ZNF875: variants seen among roughly 807,000 people sequenced by gnomAD.
ZNF875 encodes the protein HKR1, GLI-Kruppel zinc finger family member.
A neutral mutation model predicts 11.2 loss-of-function variants in ZNF875; 14 were observed. That is an observed-to-expected ratio of 1.26 (90% CI 0.83 to 1.96). The LOEUF is 1.96. Among genes scored for constraint, ZNF875 ranks in the 30% most tolerant of loss-of-function variants. The probability of loss-of-function intolerance (pLI) is 0.00; values close to 1 mark genes in which losing one functional copy is unlikely to be tolerated. For synonymous variants in ZNF875, 301 were observed against 281.1 expected, an observed-to-expected ratio of 1.07 and a Z score of -0.71; for missense variants, 752 against 760.4, an observed-to-expected ratio of 0.99 and a Z score of 0.13.
Position 37,328,016 on chromosome 19 carries a change from C to T in ZNF875, c.-603+3751C>T, listed in dbSNP as rs759992259. 3.7e-4 allele frequency among the ~76,000 whole-genome samples: 56 copies of T among 152,122 alleles called. 1 individual carries two copies. The highest frequency in any genetic ancestry group is 5.9e-4 in the Admixed American group (9 of 15,274). ...CAGCACTTTGGGAGGCCAAGGCGGG[C>T]GGATCACCTGAGGTCAGGAGTTCAA... On this transcript the variant is annotated intron_variant, in intron 4 of 5. Coordinates refer to the ZNF875 transcript ENST00000544914.
chr19:37,346,355 T>G (rs2036764142), intron 2 of ZNF875: 2 of 152,192 alleles, frequency 1.3e-5, no homozygotes, highest in Non-Finnish European at 2.9e-5. Context: ...TGGACAGAGA[T>G]GGGTTCCAAA....
intron 2 of ZNF875, among the ~76,000 whole-genome samples, chr19:37,335,506 A>G (rs1232874973): frequency 6.6e-6 from 1 of 152,234 alleles, no homozygotes; most frequent in Non-Finnish European, 1.5e-5. Flanking sequence ...AAGAAACAAA[A>G]AAGTATATTT....
intron 4 of ZNF875, among the ~76,000 whole-genome samples, chr19:37,350,991 A>G (rs2037795281): frequency 6.6e-6 from 1 of 151,370 alleles, no homozygotes; most frequent in Admixed American, 6.6e-5. Context: ...TTTAGTAGAG[A>G]CGGGGTTTCA....
Position 37,363,645 on chromosome 19 carries a change from G to T in ZNF875, c.1793G>T (p.Ser598Ile). The change falls in exon 5 of 5, where the codon AGC (serine) becomes ATC (isoleucine). Residue 598 changes from serine (S) to isoleucine (I), a missense_variant. Ser to Ile is a moderately radical substitution (Grantham distance 142, BLOSUM62 -2). Coordinates refer to ENST00000392153, the MANE Select transcript of ZNF875 (RefSeq NM_001353803.2). ...TGCAGGGAGTGTGGGCAAGGCTTTA[G>T]CCGGCAGTCACACCTCATTAGACAC... The part of the protein sequence containing the change: ...HVCRECGQGF[S>I]RQSHLIRHQR... 3.1e-6 allele frequency: 5 copies of T among 1,613,594 alleles called. No homozygotes were observed. The highest frequency in any genetic ancestry group is 4.2e-6 in the Non-Finnish European group (5 of 1,179,714).
At chr19:37,338,201 C>G (rs2034914800) in intron 2 of ZNF875, among the ~76,000 whole-genome samples, 1 of 152,202 alleles carries the variant, frequency 6.6e-6, no homozygotes, top group Non-Finnish European at 1.5e-5. Context: ...TGGCTTACTG[C>G]AGTCTCCGCC....
chr19:37,323,035 G>A (rs1378218539), intron 2 of ZNF875, among the ~76,000 whole-genome samples: 4 of 151,968 alleles, frequency 2.6e-5, no homozygotes, highest in Admixed American at 2.6e-4. Context: ...GTATTATGGT[G>A]GGTTCTCTTG....
At position 37,362,883 on chromosome 19, in the gene ZNF875, G is replaced by A. The variant is rs774894163; in HGVS notation, c.1031G>A (p.Gly344Glu). The A allele has an allele frequency of 1.9e-6, 3 of 1,614,026 alleles. No homozygotes were observed. The East Asian group carries it at 6.7e-5, about 36-fold the overall frequency. The part of the protein sequence containing the change: ...GLKPYVCKEC[G>E]QSFSLKSNLI... ...AAGCCTTATGTGTGCAAGGAATGTG[G>A]GCAGAGCTTTAGCCTGAAGTCAAAC... Residue 344 changes from glycine to glutamate, a missense_variant, in exon 5 of 5, where the codon GGG becomes GAG. Coordinates refer to ENST00000392153, the MANE Select transcript of ZNF875 (RefSeq NM_001353803.2).
At chr19:37,350,106 CTTT>C (rs34388347) in intron 4 of ZNF875, among the ~76,000 whole-genome samples, 1 of 63,696 alleles carries the variant, frequency 1.6e-5, no homozygotes, top group Admixed American at 1.7e-4. Flanking sequence ...CCCCACTGGC[CTTT>C]TTTTTTTTTT....
intron 2 of ZNF875, chr19:37,344,659 T>C (rs1272270278): frequency 6.2e-7 from 1 of 1,609,140 alleles, no homozygotes; most frequent in Non-Finnish European, 8.5e-7. Context: ...GTGTTTCTAC[T>C]CAGTGGGAGA....
chr19:37,333,206 G>C (rs1438034408), upstream of ZNF875, among the ~76,000 whole-genome samples: 2 of 152,028 alleles, frequency 1.3e-5, no homozygotes. Context: ...TAGTGATTTG[G>C]ATTATCTCAG....
At chr19:37,358,545 AG>A (rs2039353225) in intron 4 of ZNF875, 2 of 150,130 alleles carry the variant, frequency 1.3e-5, no homozygotes, top group African/African-American at 4.9e-5. Flanking sequence ...TTTGAGATGA[AG>A]TCTCACTCTG....
At chr19:37,347,503 G>A in intron 3 of ZNF875, 187 bp downstream of exon 3, 1 of 624,948 alleles carries the variant, frequency 1.6e-6, no homozygotes, top group Non-Finnish European at 2.8e-6. Flanking sequence ...TCATGTTATG[G>A]ATGACACTAC....
At chr19:37,335,406 A>T in intron 2 of ZNF875, 149 bp downstream of exon 2, 1 of 540,374 alleles carries the variant, frequency 1.9e-6, no homozygotes, top group East Asian at 2.9e-5. Context: ...ATTTTGATAT[A>T]GTCTTGTAGA....
chr19:37,356,559 T>G (rs182730426), intron 4 of ZNF875, among the ~76,000 whole-genome samples: 3 of 152,194 alleles, frequency 2.0e-5, no homozygotes, highest in Admixed American at 2.0e-4. Context: ...TGGTTGTAAT[T>G]TGTATTTCTC....
upstream of ZNF875, among the ~76,000 whole-genome samples, chr19:37,331,231 C>CT (rs142005460): frequency 0.017 from 1,058 of 63,776 alleles, 16 homozygotes; most frequent in Middle Eastern, 0.025. Context: ...TAACTCCTTG[C>CT]TTTTTTTTTT....
intron 4 of ZNF875, among the ~76,000 whole-genome samples, chr19:37,325,955 C>T (rs1253076399): frequency 1.3e-5 from 2 of 152,114 alleles, no homozygotes; most frequent in Non-Finnish European, 2.9e-5. Flanking sequence ...GTGATCCACC[C>T]ACCTTGGCCT....
intron 4 of ZNF875, among the ~76,000 whole-genome samples, chr19:37,356,692 ATTTG>A (rs960880887): frequency 6.6e-6 from 1 of 151,750 alleles, no homozygotes; most frequent in Non-Finnish European, 1.5e-5. Flanking sequence ...TTTGTTGTTG[ATTTG>A]TTTAAGTTCC....
At chr19:37,341,645 A>G (rs1309111023) in intron 2 of ZNF875, among the ~76,000 whole-genome samples, 2 of 152,152 alleles carry the variant, frequency 1.3e-5, no homozygotes, top group Non-Finnish European at 2.9e-5. Context: ...GGGAGACATG[A>G]TTTATTGGTC....
upstream of ZNF875, among the ~76,000 whole-genome samples, chr19:37,332,853 A>T (rs1479095188): frequency 6.6e-6 from 1 of 152,192 alleles, no homozygotes; most frequent in Non-Finnish European, 1.5e-5. Context: ...GCCAGTTAAG[A>T]GTGTGGAAAA....
Sources: allele counts gnomAD v4.1 joint callset (sites outside exome capture counted in the v4.1 genomes callset), GRCh38; gene constraint gnomAD v4.1.1; transcripts MANE v1.5; gene names NCBI Gene and HGNC (gene_info 2026-07-23, HGNC 2026-07-21).